DGCR8: variants seen among roughly 807,000 people sequenced by gnomAD.
DGCR8 encodes microprocessor complex subunit DGCR8.
In DGCR8, 14 loss-of-function variants were observed where a neutral mutation model predicts 78.5. That is an observed-to-expected ratio of 0.18 (90% CI 0.12 to 0.28). The LOEUF is 0.28. Ranked by LOEUF, DGCR8 falls within the 10% of genes least tolerant of loss-of-function variation. DGCR8 has a pLI of 1.00. For synonymous variants in DGCR8, 399 were observed against 402.4 expected, an observed-to-expected ratio of 0.99 and a Z score of 0.10; for missense variants, 702 against 1,022.5, an observed-to-expected ratio of 0.69 and a Z score of 4.28.
intron 9 of DGCR8, among the ~76,000 whole-genome samples, chr22:20,095,780 CACCAT>C (rs1441871757): frequency 2.6e-5 from 4 of 152,086 alleles, no homozygotes; most frequent in African/African-American, 9.7e-5. Flanking sequence ...CTATACAACT[CACCAT>C]AATATAAAAC....
At position 20,085,073 on chromosome 22, in the gene DGCR8, C is replaced by T. The variant is rs1329611758; in HGVS notation, c.-277-614C>T. On this transcript the variant is annotated intron_variant, in intron 1 of 13. Transcript: ENST00000351989. This position sits in a 1 kb window ranked among gnomAD's most constrained non-coding sequence, Gnocchi z 6.2. Reference sequence around the variant, plus strand: ...ACAGCCACCCACCCCTCTCCTCCATCGGGAACAGAACTATGCTGCCACCTC... The same window carrying T: ...ACAGCCACCCACCCCTCTCCTCCATTGGGAACAGAACTATGCTGCCACCTC... The T allele has an allele frequency of 8.2e-6, 8 of 973,594 alleles. No individual in the cohort carries two copies. Among genetic ancestry groups the T allele is most frequent in the South Asian group, 4.7e-5 (1 of 21,054 alleles). 60.3% of individuals were successfully genotyped at this position (973,594 alleles called of 1,614,324 possible).
intron 5 of DGCR8, 39 bp downstream of exon 5, chr22:20,090,297 G>A: frequency 8.4e-6 from 13 of 1,548,554 alleles, no homozygotes; most frequent in Non-Finnish European, 1.1e-5. Context: ...TGCCTCCTGG[G>A]ACCCATGAGC....
rs1439892127 is a variant in DGCR8, at chr22:20,085,110, G to A, written c.-277-577G>A. The A allele has an allele frequency of 1.1e-6, 1 of 884,080 alleles. No homozygotes were observed. The highest frequency in any genetic ancestry group is 1.4e-6 in the Non-Finnish European group (1 of 737,448). 54.8% of individuals were successfully genotyped at this position (884,080 alleles called of 1,614,324 possible). ...TATGCTGCCACCTCTGGTGACCTCA[G>A]CACGCTGCATCACTGTCCCCGTCCA... On this transcript the variant is annotated intron_variant, in intron 1 of 13. Coordinates refer to ENST00000351989, the MANE Select transcript of DGCR8 (RefSeq NM_022720.7). This position sits in a 1 kb window ranked among gnomAD's most constrained non-coding sequence, Gnocchi z 6.2.
chr22:20,094,798 G>A lies in DGCR8; in HGVS notation c.1788+3G>A. 1 of 1,613,710 alleles carries A rather than the reference G, an allele frequency of 6.2e-7. No individual in the cohort carries two copies. The highest frequency in any genetic ancestry group is 8.5e-7 in the Non-Finnish European group (1 of 1,179,610). On this transcript the variant is annotated splice_donor_region_variant and intron_variant, in intron 9 of 13. Transcript: ENST00000351989. ...CCAAAGACAGTGAAGAACTCGAGGT[G>A]AGTGTTGTGGTCCTGCCCTGCTGGG...
At position 20,089,162 on chromosome 22, in the gene DGCR8, TG is replaced by T. The variant is rs1320170928; in HGVS notation, c.881-504del. Among the ~76,000 whole-genome samples the T allele has an allele frequency of 6.6e-6, 1 of 152,236 alleles. No individual in the cohort carries two copies. Among genetic ancestry groups the T allele is most frequent in the Non-Finnish European group, 1.5e-5 (1 of 68,036 alleles). On this transcript the variant is annotated intron_variant, in intron 3 of 13. Coordinates refer to ENST00000351989, the MANE Select transcript of DGCR8 (RefSeq NM_022720.7). This position sits in a 1 kb window ranked among gnomAD's most constrained non-coding sequence, Gnocchi z 4.9. ...ACTGCCTATAAAGCAAAGAAGGGGT[TG>T]GGAGTAGTGTATTAAACCAACTTAG...
At chr22:20,094,521 G>A (rs1222631821) in intron 8 of DGCR8, among the ~76,000 whole-genome samples, 192 bp from the exon 9 acceptor site, 1 of 152,222 alleles carries the variant, frequency 6.6e-6, no homozygotes, top group African/African-American at 2.4e-5. Context: ...AGGCTTTCTG[G>A]TAGCCTGCCA....
intron 9 of DGCR8, chr22:20,100,390 C>CCAA: frequency 2.0e-6 from 2 of 985,262 alleles, no homozygotes; most frequent in Non-Finnish European, 2.4e-6. Context: ...TCTGAGTGAC[C>CCAA]CAACCGTGGG....
At chr22:20,100,473 C>G in intron 9 of DGCR8, 11 of 985,378 alleles carry the variant, frequency 1.1e-5, no homozygotes, top group Non-Finnish European at 1.3e-5. Flanking sequence ...CACCAAAACT[C>G]TTAGTATGGG....
Position 20,102,373 on chromosome 22 carries a change from C to T in DGCR8, c.1789-3804C>T, listed in dbSNP as rs557552147. On this transcript the variant is annotated intron_variant, in intron 9 of 13. Transcript: ENST00000351989. ...CTGGCTTGGTGTGGTGTGACGCATC[C>T]GTCGTGTGGTCATTTGTACTCCTGA... Among the ~76,000 whole-genome samples the T allele has an allele frequency of 1.6e-4, 24 of 152,228 alleles. No homozygotes were observed. In the South Asian group the frequency reaches 2.5e-3, roughly 16 times the overall value.
At chr22:20,100,462 C>G (rs1414009836) in intron 9 of DGCR8, 7 of 985,354 alleles carry the variant, frequency 7.1e-6, no homozygotes, top group African/African-American at 7.0e-5. Context: ...AGACCCTGGC[C>G]CACCAAAACT....
rs534291929 is a variant in DGCR8 at position 20,106,806 on chromosome 22, G to A, written c.1996+108G>A. 1.5e-4 allele frequency: 120 copies of A among 792,454 alleles called. No homozygotes were observed. In the African/African-American group the frequency reaches 1.6e-3, roughly 11 times the overall value. 49.1% of individuals were successfully genotyped at this position (792,454 alleles called of 1,614,324 possible). A position where few individuals can be genotyped will look rare whatever the true frequency, so the allele number is the denominator to read the frequency against. Reference sequence around the variant, plus strand: ...GCTGTTGCCCTGGCATTGTCCCTGAGCCCAGCTGTGTGTGCTGGCCACCAC... The same window carrying A: ...GCTGTTGCCCTGGCATTGTCCCTGAACCCAGCTGTGTGTGCTGGCCACCAC... On this transcript the variant is annotated intron_variant, in intron 11 of 13. Transcript: ENST00000351989.
intron 9 of DGCR8, among the ~76,000 whole-genome samples, chr22:20,098,991 A>G (rs534463041): frequency 6.4e-4 from 97 of 152,290 alleles, no homozygotes; most frequent in African/African-American, 2.3e-3. Flanking sequence ...ATTTGTGGCC[A>G]CTGAATACAC....
chr22:20,091,727 CAA>C, intron 6 of DGCR8, 95 bp downstream of exon 6: 1 of 1,541,642 alleles, frequency 6.5e-7, no homozygotes, highest in Non-Finnish European at 8.9e-7. Context: ...GCATTTCGTT[CAA>C]AGTTTATGTT....
Position 20,086,462 on chromosome 22 carries a change from A to C in DGCR8, c.499A>C (p.Ser167Arg), listed in dbSNP as rs746513636. 6.2e-7 allele frequency: 1 copy of C among 1,613,706 alleles called. No homozygotes were observed. Among genetic ancestry groups the C allele is most frequent in the Non-Finnish European group, 8.5e-7 (1 of 1,179,970 alleles). ...GDVHACPFGG[S>R]VGDGVGIGGE... ...CGTGCATGCTTGTCCCTTTGGCGGG[A>C]GTGTTGGTGACGGGGTAGGCATAGG... Residue 167 changes from serine (S) to arginine (R), a missense_variant, in exon 2 of 14, where the codon AGT becomes CGT. Ser to Arg is a moderately radical substitution (Grantham distance 110, BLOSUM62 -1). Coordinates refer to ENST00000351989, the MANE Select transcript of DGCR8 (RefSeq NM_022720.7). This position sits in a 1 kb window ranked among gnomAD's most constrained non-coding sequence, Gnocchi z 6.4.
chr22:20,108,775 C>CTGCCAGAACCTGGGCGCGCCTACCT, intron 12 of DGCR8, 115 bp from the exon 13 acceptor site: 1 of 202,646 alleles, frequency 4.9e-6, no homozygotes, highest in Non-Finnish European at 8.8e-6. Flanking sequence ...TGTTTCGTGT[C>CTGCCAGAACCTGGGCGCGCCTACCT]TGCCAGACCC....
chr22:20,107,146 A>G (rs2147941525), intron 11 of DGCR8, 125 bp from the exon 12 acceptor site: 4 of 1,052,292 alleles, frequency 3.8e-6, no homozygotes, highest in South Asian at 2.7e-5. Context: ...AGTGCTGCCT[A>G]TTCCTGTAGA....
intron 7 of DGCR8, 63 bp downstream of exon 7, chr22:20,092,033 G>A (rs867118698): frequency 6.0e-6 from 8 of 1,328,290 alleles, no homozygotes; most frequent in Middle Eastern, 1.8e-4. Context: ...GGTCAGGGCT[G>A]GGGAGGCAGG....
rs1351540676 is a variant in DGCR8, at chr22:20,110,162, C to T, written c.*54C>T. The stretch of plus-strand genomic sequence containing the variant: ...GCCGCCAGCCGCACTTCTGAGGAGA[C>T]CAGCAGTCATGCATCGTGCACCACA... On this transcript the variant is annotated 3_prime_UTR_variant, in exon 14 of 14. Transcript: ENST00000351989. The T allele has an allele frequency of 3.2e-6, 5 of 1,553,138 alleles. No homozygotes were observed. Among genetic ancestry groups the T allele is most frequent in the Non-Finnish European group, 2.6e-6 (3 of 1,138,504 alleles).
At position 20,089,878 on chromosome 22, in the gene DGCR8, A is replaced by T; in HGVS notation, c.1023+67A>T. 3.1e-6 allele frequency: 5 copies of T among 1,598,226 alleles called. No individual in the cohort carries two copies. The South Asian group carries it at 5.6e-5, about 18-fold the overall frequency. Reference sequence around the variant, plus strand: ...CAGACCAAAACGTGCACATCCACACACATGGCACCGCAGCCAAGCAGAGGC... The same window carrying T: ...CAGACCAAAACGTGCACATCCACACTCATGGCACCGCAGCCAAGCAGAGGC... On this transcript the variant is annotated intron_variant, in intron 4 of 13. Coordinates refer to ENST00000351989, the MANE Select transcript of DGCR8 (RefSeq NM_022720.7). This position sits in a 1 kb window ranked among gnomAD's most constrained non-coding sequence, Gnocchi z 4.9.
Sources: gnomAD v4.1 joint callset for allele counts (sites outside exome capture counted in the v4.1 genomes callset) on GRCh38, gnomAD v4.1.1 for gene constraint, Gnocchi (gnomAD v3.1) non-coding constraint, MANE v1.5 for transcripts, NCBI Gene and HGNC (gene_info 2026-07-23, HGNC 2026-07-21) for gene names.